Variants in SLC7A14 observed in about 807,000 individuals in gnomAD.
SLC7A14 encodes solute carrier family 7 member 14.
Under a neutral mutation model 60.2 loss-of-function variants are expected in SLC7A14, and 37 were observed. The ratio of observed to expected loss-of-function variants is 0.61; its 90% CI spans 0.47 to 0.81. The LOEUF is 0.81. SLC7A14 is among the 30% of genes least tolerant of loss of function. The probability of loss-of-function intolerance (pLI) is 0.00; values close to 1 mark genes in which losing one functional copy is unlikely to be tolerated. For missense variants in SLC7A14, 886 were observed against 982.7 expected, an observed-to-expected ratio of 0.90 and a Z score of 1.32; for synonymous variants, 399 against 395.8, an observed-to-expected ratio of 1.01 and a Z score of -0.10.
At chr3:170,537,843 G>C (rs1713895000) in intron 1 of SLC7A14, among the ~76,000 whole-genome samples, 1 of 152,182 alleles carries the variant, frequency 6.6e-6, no homozygotes, top group Non-Finnish European at 1.5e-5. Flanking sequence ...AAGGTGAATG[G>C]AGCAGCCTAT....
At chr3:170,551,269 A>G (rs898172755) in intron 1 of SLC7A14, among the ~76,000 whole-genome samples, 5 of 152,220 alleles carry the variant, frequency 3.3e-5, no homozygotes, top group African/African-American at 1.2e-4. Flanking sequence ...TTATATGGCT[A>G]TACCATATTT....
intron 2 of SLC7A14, among the ~76,000 whole-genome samples, chr3:170,518,774 A>G (rs1413533100): frequency 6.6e-6 from 1 of 152,214 alleles, no homozygotes; most frequent in Non-Finnish European, 1.5e-5. Context: ...ATATGGACAG[A>G]GTTTTAGAGC....
intron 1 of SLC7A14, among the ~76,000 whole-genome samples, chr3:170,566,328 G>A (rs764755558): frequency 3.3e-5 from 5 of 152,198 alleles, no homozygotes; most frequent in African/African-American, 9.7e-5. Context: ...GGAGACTGGA[G>A]TCAGGTGTAG....
chr3:170,497,960 A>G (rs1712463092), intron 4 of SLC7A14, among the ~76,000 whole-genome samples: 1 of 152,198 alleles, frequency 6.6e-6, no homozygotes, highest in East Asian at 1.9e-4. Context: ...TTGGAATGGG[A>G]TTTATAGCAC....
intron 1 of SLC7A14, among the ~76,000 whole-genome samples, chr3:170,541,881 G>T (rs942490923): frequency 2.0e-5 from 3 of 152,134 alleles, no homozygotes; most frequent in African/African-American, 7.2e-5. Flanking sequence ...AAAGAATTAT[G>T]TAACTAAAAC....
intron 1 of SLC7A14, among the ~76,000 whole-genome samples, chr3:170,549,472 C>G (rs1165188970): frequency 6.6e-6 from 1 of 152,150 alleles, no homozygotes; most frequent in African/African-American, 2.4e-5. Context: ...CCTCGGCCTC[C>G]CAAAGTGCTG....
At chr3:170,489,595 C>T (rs1297489700) in intron 4 of SLC7A14, among the ~76,000 whole-genome samples, 6 of 152,146 alleles carry the variant, frequency 3.9e-5, no homozygotes, top group African/African-American at 1.4e-4. Context: ...TGGGTATATA[C>T]CCAAAAGAAA....
At chr3:170,572,385 T>C (rs777901941) in intron 1 of SLC7A14, among the ~76,000 whole-genome samples, 1 of 152,252 alleles carries the variant, frequency 6.6e-6, no homozygotes, top group Non-Finnish European at 1.5e-5. Flanking sequence ...ATCTGTAAAA[T>C]GAGGATATTA....
chr3:170,489,347 G>A (rs1473099486), intron 4 of SLC7A14, among the ~76,000 whole-genome samples: 1 of 152,040 alleles, frequency 6.6e-6, no homozygotes, highest in African/African-American at 2.4e-5. Context: ...GGGCAAACAG[G>A]CATTGATAAT....
chr3:170,481,011 A>G lies in SLC7A14; in HGVS notation c.1271T>C (p.Val424Ala). 6.2e-7 allele frequency: 1 copy of G among 1,614,120 alleles called. No individual in the cohort carries two copies. The change falls in exon 7 of 8, where the codon GTC becomes GCC. Residue 424 changes from valine (V) to alanine (A), a missense_variant. Transcript: ENST00000231706. The part of the protein sequence containing the change: ...GTLLAYTLVS[V>A]CVLLLRYQPE... ...TTGGTATCGAAGGAGCAAGACACAGACAGAGACCAAGGTGTAGGCCAGGAG... is the reference window on the plus strand; with the variant it reads ...TTGGTATCGAAGGAGCAAGACACAGGCAGAGACCAAGGTGTAGGCCAGGAG...
intron 1 of SLC7A14, among the ~76,000 whole-genome samples, chr3:170,527,454 T>G (rs146984729): frequency 2.2e-4 from 34 of 152,312 alleles, no homozygotes; most frequent in African/African-American, 6.3e-4. Context: ...ATAAGGAGCT[T>G]AAGAAAATGC....
chr3:170,461,243 T>C lies in SLC7A14; in HGVS notation c.*5812A>G, dbSNP rs1008641426. 6.6e-6 allele frequency: 1 copy of C among 152,236 alleles called. No homozygotes were observed. Among genetic ancestry groups the C allele is most frequent in the Non-Finnish European group, 1.5e-5 (1 of 68,066 alleles). 9.4% of individuals were successfully genotyped at this position (152,236 alleles called of 1,614,324 possible). ...TTAATGATTTTGTACACTGTTTTAG[T>C]TGATACTGCAGAACACATATTCACC... On this transcript the variant is annotated 3_prime_UTR_variant, in exon 8 of 8. Transcript: ENST00000231706.
intron 7 of SLC7A14, among the ~76,000 whole-genome samples, chr3:170,467,702 G>A (rs578157461): frequency 6.6e-6 from 1 of 152,166 alleles, no homozygotes; most frequent in South Asian, 2.1e-4. Flanking sequence ...CAGGATACAG[G>A]GTCTCTAGGT....
In SLC7A14 at chr3:170,535,501, C is replaced by G. The variant is rs1162504185; in HGVS notation, c.-152-8413G>C. On this transcript the variant is annotated intron_variant, in intron 1 of 7. Transcript: ENST00000231706. This position sits in a 1 kb window ranked among gnomAD's most constrained non-coding sequence, Gnocchi z 4.3. Reference sequence around the variant, plus strand: ...CTACAGAATATCAGGAATTTAGGCACAAGGCAGCTTCAGGGAGTGCGAGTG... The same window carrying G: ...CTACAGAATATCAGGAATTTAGGCAGAAGGCAGCTTCAGGGAGTGCGAGTG... 6.6e-6 allele frequency among the ~76,000 whole-genome samples: 1 copy of G among 152,208 alleles called. No individual in the cohort carries two copies. Among genetic ancestry groups the G allele is most frequent in the African/African-American group, 2.4e-5 (1 of 41,452 alleles).
At chr3:170,552,944 A>T (rs1331920984) in intron 1 of SLC7A14, among the ~76,000 whole-genome samples, 1 of 152,214 alleles carries the variant, frequency 6.6e-6, no homozygotes, top group African/African-American at 2.4e-5. Context: ...ATTGATCTCC[A>T]CATGCACTGC....
At position 170,462,557 on chromosome 3, in the gene SLC7A14, C is replaced by T. The variant is rs960916236; in HGVS notation, c.*4498G>A. 3.9e-5 allele frequency: 6 copies of T among 152,100 alleles called. No individual in the cohort carries two copies. The highest frequency in any genetic ancestry group is 3.9e-4 in the Admixed American group (6 of 15,266). 9.4% of individuals were successfully genotyped at this position (152,100 alleles called of 1,614,324 possible). ...AGATTTATCATGACCATTATGTAGG[C>T]ATTTGATTAGCTACTAGTTTGTTAC... On this transcript the variant is annotated 3_prime_UTR_variant, in exon 8 of 8. Coordinates refer to ENST00000231706, the MANE Select transcript of SLC7A14 (RefSeq NM_020949.3).
intron 7 of SLC7A14, among the ~76,000 whole-genome samples, chr3:170,474,417 C>T (rs993429224): frequency 3.9e-5 from 6 of 152,178 alleles, no homozygotes; most frequent in Non-Finnish European, 7.3e-5. Context: ...GACAGCCTCA[C>T]GATTGCATGA....
rs752273546 is a variant in SLC7A14, at chr3:170,526,617, G to C, written c.304+16C>G. The C allele has an allele frequency of 6.2e-7, 1 of 1,611,592 alleles. No individual in the cohort carries two copies. Among genetic ancestry groups the C allele is most frequent in the East Asian group, 2.2e-5 (1 of 44,866 alleles). On this transcript the variant is annotated intron_variant, in intron 2 of 7. Coordinates refer to ENST00000231706, the MANE Select transcript of SLC7A14 (RefSeq NM_020949.3). Reference sequence around the variant, plus strand: ...AGCACACTTTCCACAGTACTTCCCTGCATGGAGACACTTACCTGATAATAT... The same window carrying C: ...AGCACACTTTCCACAGTACTTCCCTCCATGGAGACACTTACCTGATAATAT...
chr3:170,519,038 G>A (rs1713255978), intron 2 of SLC7A14, among the ~76,000 whole-genome samples: 1 of 152,098 alleles, frequency 6.6e-6, no homozygotes, highest in African/African-American at 2.4e-5. Context: ...TTTTTGAGAT[G>A]AGTTTGATAA....
Sources: gnomAD v4.1 joint callset for allele counts (sites outside exome capture counted in the v4.1 genomes callset) on GRCh38, gnomAD v4.1.1 for gene constraint, Gnocchi (gnomAD v3.1) non-coding constraint, MANE v1.5 for transcripts, NCBI Gene and HGNC (gene_info 2026-07-23, HGNC 2026-07-21) for gene names.